Variants in XG observed in about 807,000 individuals in gnomAD.
XG encodes the protein glycoprotein Xg.
XG carries 24 observed loss-of-function variants against 25.7 expected under a neutral mutation model. The observed-to-expected ratio is 0.93, with a 90% confidence interval of 0.68 to 1.31. The LOEUF (loss-of-function observed/expected upper bound fraction) is 1.31, where lower values mean the gene tolerates loss of function less well. Ranked by LOEUF, XG falls within the 40% of genes most tolerant of loss-of-function variation. The pLI, the probability that XG is intolerant of heterozygous loss-of-function variation, is 0.00. For synonymous variants in XG, 77 were observed against 69.2 expected (o/e 1.11, Z -0.56); for missense variants, 181 against 187.6 (o/e 0.96, Z 0.21).
chrX:2,804,568 G>A (rs1206676656), intron 7 of XG, among the ~76,000 whole-genome samples: 1 of 111,356 alleles, frequency 9.0e-6, no homozygotes, highest in Non-Finnish European at 1.9e-5. Flanking sequence ...TACAGCCTAC[G>A]AATGAGCCTT....
chrX:2,770,668 G>A, intron 2 of XG, 77 bp downstream of exon 2: 2 of 1,572,724 alleles, frequency 1.3e-6, no homozygotes, highest in Non-Finnish European at 1.8e-6. Flanking sequence ...GTTACTTTGG[G>A]GTTGGATTGG....
intron 1 of XG, among the ~76,000 whole-genome samples, chrX:2,766,070 C>T (rs1156836649): frequency 6.6e-6 from 1 of 152,196 alleles, no homozygotes; most frequent in East Asian, 1.9e-4. Context: ...ACAAAAAGGG[C>T]CTGATCCAAT....
intron 10 of XG, among the ~76,000 whole-genome samples, chrX:2,813,898 A>G (rs2087080186): frequency 8.9e-6 from 1 of 112,840 alleles, no homozygotes; most frequent in South Asian, 3.6e-4. Flanking sequence ...CAATGTTTTC[A>G]AAACGAATAT....
At chrX:2,804,414 C>T (rs751041544) in intron 7 of XG, among the ~76,000 whole-genome samples, 2 of 107,808 alleles carry the variant, frequency 1.9e-5, no homozygotes, top group South Asian at 4.1e-4. Context: ...AAGGTGGTTT[C>T]GCCACGTTGC....
intron 3 of XG, among the ~76,000 whole-genome samples, chrX:2,780,828 G>C (rs1210272601): frequency 1.3e-5 from 2 of 152,146 alleles, no homozygotes; most frequent in Non-Finnish European, 2.9e-5. Context: ...AAACAGGTGA[G>C]AGACAAAACA....
intron 5 of XG, among the ~76,000 whole-genome samples, chrX:2,790,586 T>C (rs2086828038): frequency 9.2e-6 from 1 of 109,203 alleles, no homozygotes; most frequent in Non-Finnish European, 1.9e-5. Context: ...GCAGATCACC[T>C]GAGGTCAGGA....
intron 6 of XG, among the ~76,000 whole-genome samples, chrX:2,795,804 C>A (rs1457628759): frequency 1.8e-5 from 2 of 110,145 alleles, no homozygotes; most frequent in Admixed American, 2.0e-4. Context: ...ATTACAGGCG[C>A]CTGCCAGCAC....
intron 3 of XG, among the ~76,000 whole-genome samples, chrX:2,776,785 T>C (rs2051005479): frequency 6.6e-6 from 1 of 152,012 alleles, no homozygotes; most frequent in Non-Finnish European, 1.5e-5. Context: ...GAGGCGGAGC[T>C]TGCAGTGAGC....
At chrX:2,795,131 CCT>C (rs1485931564) in intron 6 of XG, among the ~76,000 whole-genome samples, 1 of 107,041 alleles carries the variant, frequency 9.3e-6, no homozygotes, top group Non-Finnish European at 1.9e-5. Flanking sequence ...ATATGTATAT[CCT>C]GACTTTATAT....
chrX:2,766,464 T>C (rs959416233), intron 1 of XG, among the ~76,000 whole-genome samples: 4 of 147,862 alleles, frequency 2.7e-5, no homozygotes, highest in Non-Finnish European at 5.9e-5. Flanking sequence ...TGAACAGTGC[T>C]CCTTCCTTCC....
intron 3 of XG, 129 bp from the exon 4 acceptor site, chrX:2,781,937 C>A: frequency 1.6e-6 from 1 of 626,315 alleles, no homozygotes; most frequent in Non-Finnish European, 2.6e-6. Context: ...AATCTATAAA[C>A]ACACCGTGGG....
chrX:2,772,841 A>G (rs1480814162), intron 2 of XG, among the ~76,000 whole-genome samples: 1 of 152,164 alleles, frequency 6.6e-6, no homozygotes, highest in Non-Finnish European at 1.5e-5. Context: ...TTTTGCTACC[A>G]AGAGCCCCCC....
rs753900070 is a variant in XG at position 2,756,910 on chromosome X, G to A, written c.61+4575G>A. On this transcript the variant is annotated intron_variant, in intron 1 of 10. Coordinates refer to ENST00000644266, the MANE Select transcript of XG (RefSeq NM_001141919.2). ...GTGGGCGTTTTACGGTGCTCTTTTA[G>A]CTCTGCCATCCGCACGTGGCTTAAG... Among the ~76,000 whole-genome samples, 137 of 152,328 alleles carry A rather than the reference G, an allele frequency of 9.0e-4. 1 individual carries two copies. Among genetic ancestry groups the A allele is most frequent in the African/African-American group, 3.0e-3 (126 of 41,576 alleles).
At chrX:2,781,971 G>A in intron 3 of XG, 95 bp from the exon 4 acceptor site, 1 of 907,472 alleles carries the variant, frequency 1.1e-6, no homozygotes, top group Non-Finnish European at 1.6e-6. Flanking sequence ...CAAACTGCAA[G>A]GTCGATAGTC....
At chrX:2,812,229 G>C (rs2087065044) in intron 10 of XG, among the ~76,000 whole-genome samples, 1 of 111,335 alleles carries the variant, frequency 9.0e-6, no homozygotes, top group South Asian at 3.8e-4. Context: ...CCGAAGGTGC[G>C]CTCAGACCAT....
At chrX:2,772,537 G>A (rs916367066) in intron 2 of XG, among the ~76,000 whole-genome samples, 8 of 152,136 alleles carry the variant, frequency 5.3e-5, no homozygotes, top group Non-Finnish European at 1.0e-4. Flanking sequence ...GTGGATTAGC[G>A]ATTGTTGGGC....
At position 2,810,094 on chromosome X, in the gene XG, G is replaced by T. The variant is rs372241776; in HGVS notation, c.455-1242G>T. Reference sequence around the variant, plus strand: ...GGTGTGGCGGGCGGCAGCATCAGCCGTAGAGCAGGTTCTTGCGTTCAGTGA... The same window carrying T: ...GGTGTGGCGGGCGGCAGCATCAGCCTTAGAGCAGGTTCTTGCGTTCAGTGA... On this transcript the variant is annotated intron_variant, in intron 9 of 10. Coordinates refer to ENST00000644266, the MANE Select transcript of XG (RefSeq NM_001141919.2). Among the ~76,000 whole-genome samples, 4 of 111,660 alleles carry T rather than the reference G, an allele frequency of 3.6e-5. No individual in the cohort carries two copies. The East Asian group carries it at 1.1e-3, about 32-fold the overall frequency.
intron 1 of XG, among the ~76,000 whole-genome samples, chrX:2,757,050 G>A (rs941873838): frequency 2.6e-5 from 4 of 152,158 alleles, no homozygotes; most frequent in Non-Finnish European, 4.4e-5. Flanking sequence ...GTTGCCAGAT[G>A]GAGATGACTC....
At chrX:2,794,669 T>C in intron 6 of XG, 66 bp downstream of exon 6, 1 of 1,133,026 alleles carries the variant, frequency 8.8e-7, no homozygotes, top group African/African-American at 1.8e-5. Context: ...ATGAGAGGCC[T>C]GAAGTTGGGG....
Sources: gnomAD v4.1 joint callset for allele counts (sites outside exome capture counted in the v4.1 genomes callset) on GRCh38, gnomAD v4.1.1 for gene constraint, MANE v1.5 for transcripts, NCBI Gene and HGNC (gene_info 2026-07-23, HGNC 2026-07-21) for gene names.